The following MTA3 variants were observed in gnomAD, a reference collection of about 807,000 sequenced individuals.
MTA3 encodes the protein metastasis associated 1 family member 3.
Under a neutral mutation model 83.5 loss-of-function variants are expected in MTA3, and 34 were observed. The observed-to-expected ratio is 0.41, with a 90% CI of 0.31 to 0.54. MTA3 has a LOEUF of 0.54. Among genes scored for constraint, MTA3 ranks in the 20% least tolerant of loss-of-function variants. The probability of loss-of-function intolerance (pLI) is 0.33; values close to 1 mark genes in which losing one functional copy is unlikely to be tolerated. For missense variants in MTA3, 761 were observed against 726.4 expected, an observed-to-expected ratio of 1.05 and a Z score of -0.55; for synonymous variants, 303 against 252.7, an observed-to-expected ratio of 1.20 and a Z score of -1.89.
chr2:42,541,374 C>T (rs541801505), intron 2 of MTA3, among the ~76,000 whole-genome samples: 1 of 152,148 alleles, frequency 6.6e-6, no homozygotes, highest in African/African-American at 2.4e-5. Flanking sequence ...TTGTGATATT[C>T]TTTTGTGATG....
At chr2:42,629,598 C>A (rs1049656780) in intron 4 of MTA3, among the ~76,000 whole-genome samples, 2 of 152,218 alleles carry the variant, frequency 1.3e-5, no homozygotes, top group East Asian at 3.9e-4. Flanking sequence ...AATCTATCTC[C>A]TCAGGGAATT....
intron 9 of MTA3, among the ~76,000 whole-genome samples, chr2:42,691,767 G>C (rs773937012): frequency 2.0e-5 from 3 of 152,140 alleles, no homozygotes; most frequent in Non-Finnish European, 2.9e-5. Context: ...CATCACGTTT[G>C]AAGGACATTT....
chr2:42,578,683 G>A (rs1407948384), intron 2 of MTA3, among the ~76,000 whole-genome samples: 1 of 152,168 alleles, frequency 6.6e-6, no homozygotes, highest in African/African-American at 2.4e-5. Context: ...AATGGGTTTG[G>A]ACGAGGTGTG....
chr2:42,560,789 C>A (rs1275972866), intron 2 of MTA3, among the ~76,000 whole-genome samples: 2 of 151,832 alleles, frequency 1.3e-5, no homozygotes, highest in Non-Finnish European at 2.9e-5. Flanking sequence ...TGCCTGTAAT[C>A]CCAGCTACTC....
At chr2:42,626,943 G>A (rs1037082829) in intron 4 of MTA3, among the ~76,000 whole-genome samples, 4 of 151,944 alleles carry the variant, frequency 2.6e-5, no homozygotes, top group Non-Finnish European at 5.9e-5. Context: ...GTTTCACCAT[G>A]TTGGCCAGGC....
chr2:42,580,278 G>A (rs537334863), intron 3 of MTA3, among the ~76,000 whole-genome samples: 1 of 152,064 alleles, frequency 6.6e-6, no homozygotes, highest in African/African-American at 2.4e-5. Context: ...ACCATGCCCA[G>A]CCACATTTTT....
chr2:42,665,764 C>T (rs76114692), intron 8 of MTA3, among the ~76,000 whole-genome samples: 3 of 152,148 alleles, frequency 2.0e-5, no homozygotes, highest in Non-Finnish European at 4.4e-5. Context: ...GAGCCTGATG[C>T]GCCTTCTAGA....
chr2:42,624,754 A>T (rs1022862286), intron 4 of MTA3, among the ~76,000 whole-genome samples: 1 of 152,224 alleles, frequency 6.6e-6, no homozygotes, highest in Non-Finnish European at 1.5e-5. Flanking sequence ...TTAATAGTAG[A>T]CACTTGATAC....
intron 2 of MTA3, among the ~76,000 whole-genome samples, chr2:42,540,471 C>T (rs1242527526): frequency 1.3e-5 from 2 of 152,032 alleles, no homozygotes; most frequent in African/African-American, 2.4e-5. Context: ...AATACCCAGG[C>T]TGTAAATACC....
chr2:42,559,621 G>A (rs1677568174), intron 2 of MTA3, among the ~76,000 whole-genome samples: 1 of 151,944 alleles, frequency 6.6e-6, no homozygotes, highest in Admixed American at 6.6e-5. Flanking sequence ...GCTCACGCCT[G>A]TAATCCCAGC....
chr2:42,518,968 AACACACACAC>A (rs60877713), intron 2 of MTA3, among the ~76,000 whole-genome samples: 9,453 of 114,536 alleles, frequency 0.083, 538 homozygotes, highest in East Asian at 0.099. Context: ...CCTTTCTCAA[AACACACACAC>A]ACACACACAC....
At chr2:42,511,585 G>A in intron 2 of MTA3, 1 of 152,188 alleles carries the variant, frequency 6.6e-6, no homozygotes, top group Non-Finnish European at 1.5e-5. Context: ...GCATGGTGGT[G>A]CATGCCTGTA....
chr2:42,545,594 T>C (rs560974810), intron 2 of MTA3, among the ~76,000 whole-genome samples: 1 of 152,262 alleles, frequency 6.6e-6, no homozygotes, highest in South Asian at 2.1e-4. Flanking sequence ...ATCTGGTTTC[T>C]TATGTGTAAA....
intron 2 of MTA3, among the ~76,000 whole-genome samples, chr2:42,558,707 C>A (rs1677518012): frequency 6.6e-6 from 1 of 151,630 alleles, no homozygotes; most frequent in South Asian, 2.1e-4. Context: ...GCTGCCACGC[C>A]CCGCTATTTT....
At chr2:42,520,400 C>T (rs1675370024) in intron 2 of MTA3, among the ~76,000 whole-genome samples, 1 of 152,176 alleles carries the variant, frequency 6.6e-6, no homozygotes, top group Non-Finnish European at 1.5e-5. Flanking sequence ...TACCACCATC[C>T]ACCTGCTTCA....
rs529563915 is a variant in MTA3, at chr2:42,578,882, T to A, written c.97-225T>A. On this transcript the variant is annotated intron_variant, in intron 2 of 16. Transcript: ENST00000405094. ...AGCAGTCTAATCAGTTTAGTTTAAT[T>A]AATGCCAGTGTTATTATATGTTTGA... 4.6e-5 allele frequency among the ~76,000 whole-genome samples: 7 copies of A among 152,216 alleles called. No homozygotes were observed. In the South Asian group the frequency reaches 1.2e-3, roughly 27 times the overall value.
intron 16 of MTA3, among the ~76,000 whole-genome samples, 152 bp from the exon 17 acceptor site, chr2:42,753,222 C>T (rs180982633): frequency 6.6e-6 from 1 of 152,368 alleles, no homozygotes; most frequent in Admixed American, 6.5e-5. Flanking sequence ...AGCCACCACA[C>T]CTGGCCTAGT....
At chr2:42,566,208 C>T (rs1004276604), upstream of MTA3, among the ~76,000 whole-genome samples, 3 of 152,012 alleles carry the variant, frequency 2.0e-5, no homozygotes, top group African/African-American at 7.3e-5. Flanking sequence ...AAGGGAGAGG[C>T]GCCTTTGCTT....
intron 2 of MTA3, among the ~76,000 whole-genome samples, chr2:42,523,724 G>A (rs893906560): frequency 6.6e-6 from 1 of 152,010 alleles, no homozygotes; most frequent in Non-Finnish European, 1.5e-5. Context: ...ACCAGTTTGG[G>A]CAATGTGGCG....
Sources: allele counts gnomAD v4.1 joint callset (sites outside exome capture counted in the v4.1 genomes callset), GRCh38; gene constraint gnomAD v4.1.1; transcripts MANE v1.5; gene names NCBI Gene and HGNC (gene_info 2026-07-23, HGNC 2026-07-21).